CCBE1: variants seen among roughly 807,000 people sequenced by gnomAD.
CCBE1 encodes collagen and calcium binding EGF domains 1.
A neutral mutation model predicts 50.0 loss-of-function variants in CCBE1; 37 were observed. The ratio of observed to expected loss-of-function variants is 0.74; its 90% CI spans 0.57 to 0.97. CCBE1 has a LOEUF of 0.97. CCBE1 is among the 50% of genes least tolerant of loss of function. The pLI is 0.00. For synonymous variants in CCBE1, 234 were observed against 203.7 expected, an observed-to-expected ratio of 1.15 and a Z score of -1.27; for missense variants, 538 against 523.8, an observed-to-expected ratio of 1.03 and a Z score of -0.26.
intron 2 of CCBE1, among the ~76,000 whole-genome samples, chr18:59,553,099 C>T (rs906328728): frequency 2.6e-5 from 4 of 152,152 alleles, no homozygotes; most frequent in African/African-American, 9.7e-5. Context: ...AGCCTGTGTA[C>T]AGAAGGTTGC....
In CCBE1 at chr18:59,509,109, A is replaced by G. The variant is rs75759346; in HGVS notation, c.213-28871T>C. On this transcript the variant is annotated intron_variant, in intron 2 of 10. Coordinates refer to ENST00000439986, the MANE Select transcript of CCBE1 (RefSeq NM_133459.4). The stretch of plus-strand genomic sequence containing the variant: ...AGCTTTGAGACTACAGTTTTTCTTA[A>G]TAACCAAACCTGGAATCAGTGCTTC... 5.5e-3 allele frequency among the ~76,000 whole-genome samples: 839 copies of G among 152,244 alleles called. 4 individuals are homozygous for G. Among genetic ancestry groups the G allele is most frequent in the Non-Finnish European group, 9.4e-3 (638 of 68,030 alleles).
chr18:59,612,653 C>T (rs553766784), intron 2 of CCBE1, among the ~76,000 whole-genome samples: 206 of 152,220 alleles, frequency 1.4e-3, no homozygotes, highest in African/African-American at 4.8e-3. Flanking sequence ...AAGATCACAC[C>T]AGCCAATAAG....
chr18:59,498,715 T>A (rs751654663), intron 2 of CCBE1, among the ~76,000 whole-genome samples: 1 of 152,182 alleles, frequency 6.6e-6, no homozygotes, highest in Non-Finnish European at 1.5e-5. Context: ...CTTGTTGCTT[T>A]CTGTCTGGCT....
chr18:59,580,266 C>G (rs2053063017), intron 2 of CCBE1, among the ~76,000 whole-genome samples: 1 of 152,178 alleles, frequency 6.6e-6, no homozygotes, highest in Non-Finnish European at 1.5e-5. Context: ...ATAATGCAAC[C>G]GTTGGCCTCT....
chr18:59,590,071 T>C (rs752453067), intron 2 of CCBE1, among the ~76,000 whole-genome samples: 9 of 152,186 alleles, frequency 5.9e-5, no homozygotes, highest in Non-Finnish European at 1.3e-4. Context: ...CCTTTCTTAA[T>C]GTGAAACGCG....
chr18:59,564,730 G>A (rs2052793835), intron 2 of CCBE1, among the ~76,000 whole-genome samples: 1 of 152,220 alleles, frequency 6.6e-6, no homozygotes, highest in African/African-American at 2.4e-5. Context: ...TGAAGACGAT[G>A]AACACTGAGG....
At chr18:59,663,290 A>C (rs900057894) in intron 2 of CCBE1, among the ~76,000 whole-genome samples, 17 of 152,174 alleles carry the variant, frequency 1.1e-4, no homozygotes, top group African/African-American at 4.1e-4. Context: ...CAAAGCAGGT[A>C]ATATCTGAGC....
At chr18:59,637,120 C>T (rs2053925409) in intron 2 of CCBE1, among the ~76,000 whole-genome samples, 1 of 152,170 alleles carries the variant, frequency 6.6e-6, no homozygotes, top group Non-Finnish European at 1.5e-5. Flanking sequence ...AAATAATCTG[C>T]ACACATAATT....
intron 2 of CCBE1, among the ~76,000 whole-genome samples, chr18:59,599,853 G>A (rs1287782590): frequency 6.6e-6 from 1 of 152,082 alleles, no homozygotes; most frequent in East Asian, 1.9e-4. Flanking sequence ...AGTAGTTGGT[G>A]GCAATTAAAG....
chr18:59,478,135 C>A (rs972283837), intron 3 of CCBE1, among the ~76,000 whole-genome samples: 2 of 152,150 alleles, frequency 1.3e-5, no homozygotes, highest in African/African-American at 4.8e-5. Flanking sequence ...CCAGCAGATT[C>A]CAACTGCAAC....
chr18:59,655,454 G>C (rs146669498), intron 2 of CCBE1, among the ~76,000 whole-genome samples: 2 of 151,986 alleles, frequency 1.3e-5, no homozygotes, highest in Non-Finnish European at 2.9e-5. Flanking sequence ...AAGCTTCAAG[G>C]GCTTATTAAA....
chr18:59,553,976 C>G lies in CCBE1; in HGVS notation c.213-73738G>C, dbSNP rs148096011. Among the ~76,000 whole-genome samples the G allele has an allele frequency of 3.1e-3, 470 of 152,212 alleles. 1 individual carries two copies. The highest frequency in any genetic ancestry group is 4.3e-3 in the Non-Finnish European group (290 of 68,012). On this transcript the variant is annotated intron_variant, in intron 2 of 10. Coordinates refer to ENST00000439986, the MANE Select transcript of CCBE1 (RefSeq NM_133459.4). ...CTGGAAGACAGGTCTGGTTAATGATCAATGTTCGAATTAATGAAGATAGAG... is the reference window on the plus strand; with the variant it reads ...CTGGAAGACAGGTCTGGTTAATGATGAATGTTCGAATTAATGAAGATAGAG...
chr18:59,474,822 T>C (rs1912230289), intron 3 of CCBE1, among the ~76,000 whole-genome samples: 1 of 152,216 alleles, frequency 6.6e-6, no homozygotes, highest in Admixed American at 6.5e-5. Flanking sequence ...CTGATTACTG[T>C]TTGTTTTGGT....
At chr18:59,603,630 C>A (rs2053460227) in intron 2 of CCBE1, among the ~76,000 whole-genome samples, 1 of 152,182 alleles carries the variant, frequency 6.6e-6, no homozygotes, top group Admixed American at 6.5e-5. Flanking sequence ...AGCAAGAACA[C>A]AAAATGAAAT....
intron 2 of CCBE1, among the ~76,000 whole-genome samples, chr18:59,678,797 T>G (rs991354887): frequency 2.0e-5 from 3 of 152,314 alleles, no homozygotes; most frequent in African/African-American, 4.8e-5. Flanking sequence ...TCTCCCAAAG[T>G]GCTGAGGTTA....
intron 2 of CCBE1, among the ~76,000 whole-genome samples, chr18:59,622,208 C>T (rs747259068): frequency 1.3e-5 from 2 of 152,210 alleles, no homozygotes; most frequent in Admixed American, 6.5e-5. Context: ...CATGAGGCTG[C>T]CCATGAATAC....
chr18:59,673,350 C>G (rs2054459428), intron 2 of CCBE1, among the ~76,000 whole-genome samples: 2 of 152,104 alleles, frequency 1.3e-5, no homozygotes, highest in Non-Finnish European at 2.9e-5. Context: ...ACTTGGGAAG[C>G]TGAGACAGGA....
At chr18:59,687,337 G>A (rs1209109379) in intron 2 of CCBE1, among the ~76,000 whole-genome samples, 1 of 152,208 alleles carries the variant, frequency 6.6e-6, no homozygotes, top group African/African-American at 2.4e-5. Flanking sequence ...TAAAGGTCAT[G>A]AACGTCCACA....
Position 59,435,637 on chromosome 18 carries a change from A to T in CCBE1, c.*271T>A. 8.0e-6 allele frequency: 4 copies of T among 499,834 alleles called. No homozygotes were observed. 31.0% of individuals were successfully genotyped at this position (499,834 alleles called of 1,614,324 possible). A position where few individuals can be genotyped will look rare whatever the true frequency, so the allele number is the denominator to read the frequency against. On this transcript the variant is annotated 3_prime_UTR_variant, in exon 11 of 11. Coordinates refer to ENST00000439986, the MANE Select transcript of CCBE1 (RefSeq NM_133459.4). ...AATCCAAAGTTCCTGGAAAAATAGG[A>T]TGTAAAAGAAAAGTTACAATGCAAA...
Sources: gnomAD v4.1 joint callset for allele counts (sites outside exome capture counted in the v4.1 genomes callset) on GRCh38, gnomAD v4.1.1 for gene constraint, MANE v1.5 for transcripts, NCBI Gene and HGNC (gene_info 2026-07-23, HGNC 2026-07-21) for gene names.